Variants in THSD4 observed in about 807,000 individuals in gnomAD.
THSD4 encodes the protein thrombospondin type-1 domain-containing protein 4.
In THSD4, 69 loss-of-function variants were observed where a neutral mutation model predicts 119.0. The observed-to-expected ratio is 0.58, with a 90% confidence interval of 0.48 to 0.71. THSD4 has a LOEUF of 0.71. Ranked by LOEUF, THSD4 falls within the 30% of genes least tolerant of loss-of-function variation. The pLI, the probability that THSD4 is intolerant of heterozygous loss-of-function variation, is 0.00. For synonymous variants in THSD4, 524 were observed against 540.4 expected (o/e 0.97, Z 0.42); for missense variants, 1,393 against 1,391.1 (o/e 1.00, Z -0.02).
At chr15:71,702,480 C>T (rs1181687412) in intron 8 of THSD4, among the ~76,000 whole-genome samples, 1 of 152,104 alleles carries the variant, frequency 6.6e-6, no homozygotes, top group Non-Finnish European at 1.5e-5. Context: ...ATTTAAGACC[C>T]TGAATTTGGG....
rs573059105 is a variant in THSD4 at position 71,407,273 on chromosome 15, T to C, written c.1016-4414T>C. Among the ~76,000 whole-genome samples the C allele has an allele frequency of 4.6e-5, 7 of 152,306 alleles. No individual in the cohort carries two copies. In the South Asian group the frequency reaches 1.0e-3, roughly 23 times the overall value. ...CTGCTTTCTCCCCCATTTCCAAAGTTACCTTTTGGAGACTCCGTAATGCTG... is the reference window on the plus strand; with the variant it reads ...CTGCTTTCTCCCCCATTTCCAAAGTCACCTTTTGGAGACTCCGTAATGCTG... On this transcript the variant is annotated intron_variant, in intron 6 of 17. Transcript: ENST00000261862.
chr15:71,245,686 G>T (rs766310242), intron 5 of THSD4, among the ~76,000 whole-genome samples: 1 of 152,176 alleles, frequency 6.6e-6, no homozygotes, highest in Admixed American at 6.5e-5. Flanking sequence ...TGTGCCCGGG[G>T]TTTTTACTGA....
intron 1 of THSD4, among the ~76,000 whole-genome samples, chr15:71,104,276 G>A (rs954345140): frequency 1.5e-5 from 2 of 134,334 alleles, no homozygotes. Flanking sequence ...TTATATGGCC[G>A]GAAAGAATTA....
At position 71,243,976 on chromosome 15, in the gene THSD4, G is replaced by A. The variant is rs142428864; in HGVS notation, c.912+880G>A. Among the ~76,000 whole-genome samples the A allele has an allele frequency of 5.7e-3, 869 of 151,638 alleles. 10 individuals carry two copies. Among genetic ancestry groups the A allele is most frequent in the African/African-American group, 0.019 (798 of 41,370 alleles). On this transcript the variant is annotated intron_variant, in intron 5 of 17. Transcript: ENST00000261862. ...ATTTTTCTGTTTTTTTAGTAGAGAC[G>A]GGGTTTCACTATGTTGGCCAGGATG...
At chr15:71,224,337 AAGAC>A (rs1418566979) in intron 4 of THSD4, among the ~76,000 whole-genome samples, 1 of 152,204 alleles carries the variant, frequency 6.6e-6, no homozygotes, top group Non-Finnish European at 1.5e-5. Context: ...TTCTTAGAGT[AAGAC>A]AGTCCCTATA....
chr15:71,743,364 C>T (rs925509916), intron 11 of THSD4, among the ~76,000 whole-genome samples: 14 of 152,180 alleles, frequency 9.2e-5, no homozygotes, highest in Admixed American at 6.5e-4. Flanking sequence ...AGTGGAAAAG[C>T]TAAACCCGCA....
chr15:71,487,163 G>A (rs886203597), intron 7 of THSD4, among the ~76,000 whole-genome samples: 14 of 152,220 alleles, frequency 9.2e-5, no homozygotes, highest in African/African-American at 2.4e-4. Flanking sequence ...GCATTTCCTC[G>A]TCATTTCTGA....
intron 6 of THSD4, among the ~76,000 whole-genome samples, chr15:71,386,093 A>C (rs777398000): frequency 3.3e-5 from 5 of 152,366 alleles, no homozygotes; most frequent in Admixed American, 6.5e-5. Context: ...CTGTTTACTG[A>C]GTAGGTGCTT....
chr15:71,289,473 C>T (rs2044763225), intron 6 of THSD4, among the ~76,000 whole-genome samples: 1 of 152,148 alleles, frequency 6.6e-6, no homozygotes, highest in South Asian at 2.1e-4. Context: ...GCTCTCCACC[C>T]TGAATAAAGT....
At chr15:71,304,493 AAT>A (rs2140341356) in intron 6 of THSD4, among the ~76,000 whole-genome samples, 1 of 152,230 alleles carries the variant, frequency 6.6e-6, no homozygotes, top group Admixed American at 6.5e-5. Flanking sequence ...CCTATTTAAA[AAT>A]ATGTTTGGTA....
intron 6 of THSD4, among the ~76,000 whole-genome samples, chr15:71,381,596 A>C (rs2046229770): frequency 6.6e-6 from 1 of 152,192 alleles, no homozygotes; most frequent in Non-Finnish European, 1.5e-5. Context: ...CTTGGACACA[A>C]AGCACTTTTG....
intron 6 of THSD4, among the ~76,000 whole-genome samples, chr15:71,310,189 C>G (rs931481537): frequency 1.3e-5 from 2 of 152,126 alleles, no homozygotes; most frequent in Non-Finnish European, 2.9e-5. Context: ...AGCATGTTTT[C>G]ATTTTAGGAA....
intron 6 of THSD4, among the ~76,000 whole-genome samples, chr15:71,306,418 CATA>C (rs1432925592): frequency 6.6e-6 from 1 of 150,806 alleles, no homozygotes; most frequent in Non-Finnish European, 1.5e-5. Flanking sequence ...TTTTCATCCT[CATA>C]ATAACAGAGG....
At chr15:71,587,652 T>G in intron 7 of THSD4, among the ~76,000 whole-genome samples, 1 of 130,442 alleles carries the variant, frequency 7.7e-6, no homozygotes, top group South Asian at 3.0e-4. Context: ...AGGGATAGCA[T>G]TGGGAGATAT....
At chr15:71,491,916 A>G (rs1595821808) in intron 7 of THSD4, among the ~76,000 whole-genome samples, 1 of 152,164 alleles carries the variant, frequency 6.6e-6, no homozygotes, top group East Asian at 1.9e-4. Context: ...TTTATAAACT[A>G]CCCAGCCTCA....
At chr15:71,298,831 T>C (rs1257674711) in intron 6 of THSD4, among the ~76,000 whole-genome samples, 2 of 152,246 alleles carry the variant, frequency 1.3e-5, no homozygotes, top group African/African-American at 4.8e-5. Flanking sequence ...CAGGCTGGTC[T>C]CGAACTCCTG....
At chr15:71,540,294 C>T (rs543235585) in intron 7 of THSD4, among the ~76,000 whole-genome samples, 1 of 151,296 alleles carries the variant, frequency 6.6e-6, no homozygotes, top group Admixed American at 6.6e-5. Flanking sequence ...TGCACCACCA[C>T]GCCCGGCTAA....
At chr15:71,637,391 G>A (rs2050765312) in intron 7 of THSD4, among the ~76,000 whole-genome samples, 1 of 152,132 alleles carries the variant, frequency 6.6e-6, no homozygotes. Flanking sequence ...CTAGGAGACA[G>A]CAAAGGAAAG....
chr15:71,774,136 A>G (rs2053871257), intron 17 of THSD4, among the ~76,000 whole-genome samples: 1 of 151,990 alleles, frequency 6.6e-6, no homozygotes, highest in South Asian at 2.1e-4. Context: ...ACATGGTGAA[A>G]TCCTTCTCTA....
Sources: gnomAD v4.1 joint callset for allele counts (sites outside exome capture counted in the v4.1 genomes callset) on GRCh38, gnomAD v4.1.1 for gene constraint, MANE v1.5 for transcripts, NCBI Gene and HGNC (gene_info 2026-07-23, HGNC 2026-07-21) for gene names.